CACNA1C: variants seen among roughly 807,000 people sequenced by gnomAD.
The protein encoded by CACNA1C is voltage-dependent L-type calcium channel subunit alpha-1C.
Under a neutral mutation model 229.0 loss-of-function variants are expected in CACNA1C, and 30 were observed. That is an observed-to-expected ratio of 0.13 (90% CI 0.10 to 0.18). The LOEUF is 0.18. CACNA1C is among the 10% of genes least tolerant of loss of function. CACNA1C has a pLI of 1.00. For synonymous variants in CACNA1C, 1,114 were observed against 1,132.5 expected, an observed-to-expected ratio of 0.98 and a Z score of 0.33; for missense variants, 1,658 against 2,845.0, an observed-to-expected ratio of 0.58 and a Z score of 9.49.
rs2094781033 is a variant in CACNA1C at position 2,147,049 on chromosome 12, T to C, written c.477+26619T>C. Reference sequence around the variant, plus strand: ...AATTATCAAAGCAAATCAATGTCACTCTAAGTCATATCTCCATACTAGCTC... The same window carrying C: ...AATTATCAAAGCAAATCAATGTCACCCTAAGTCATATCTCCATACTAGCTC... On this transcript the variant is annotated intron_variant, in intron 3 of 46. Transcript: ENST00000399655. Among the ~76,000 whole-genome samples the C allele has an allele frequency of 1.3e-5, 2 of 151,044 alleles. 1 individual carries two copies. The highest frequency in any genetic ancestry group is 3.0e-5 in the Non-Finnish European group (2 of 67,554).
intron 9 of CACNA1C, among the ~76,000 whole-genome samples, chr12:2,535,344 G>A (rs1411937515): frequency 1.3e-5 from 2 of 150,306 alleles, no homozygotes; most frequent in Non-Finnish European, 3.0e-5. Flanking sequence ...AGCTGAGATC[G>A]CACCACTGCA....
intron 15 of CACNA1C, 97 bp downstream of exon 15, chr12:2,583,039 C>T: frequency 1.2e-6 from 1 of 845,768 alleles, no homozygotes; most frequent in East Asian, 2.7e-5. Context: ...GGCGGTCCTG[C>T]TCGGGCTCAC....
chr12:2,578,694 C>G (rs760409336), intron 13 of CACNA1C, among the ~76,000 whole-genome samples: 7 of 152,172 alleles, frequency 4.6e-5, no homozygotes, highest in Non-Finnish European at 1.0e-4. Context: ...AGCTATGGTT[C>G]TCATTTCCTT....
chr12:2,125,404 A>G (rs2089598824), intron 3 of CACNA1C, among the ~76,000 whole-genome samples: 1 of 152,188 alleles, frequency 6.6e-6, no homozygotes, highest in African/African-American at 2.4e-5. Flanking sequence ...TGCTTGAAAC[A>G]TTCCCATTGT....
At chr12:2,683,801 T>G (rs1187912917) in intron 43 of CACNA1C, among the ~76,000 whole-genome samples, 2 of 152,318 alleles carry the variant, frequency 1.3e-5, no homozygotes, top group African/African-American at 4.8e-5. Context: ...TGGGAGCCAC[T>G]GTCCCACTCT....
At chr12:2,112,191 G>A (rs1214214527) in intron 1 of CACNA1C, among the ~76,000 whole-genome samples, 1 of 152,202 alleles carries the variant, frequency 6.6e-6, no homozygotes, top group African/African-American at 2.4e-5. Context: ...GTCTTCTTAT[G>A]TGTTAAATGG....
At chr12:2,139,954 T>C (rs112258429) in intron 3 of CACNA1C, among the ~76,000 whole-genome samples, 7,393 of 150,948 alleles carry the variant, frequency 0.049, 535 homozygotes, top group African/African-American at 0.15. Flanking sequence ...GTGCTGTGAA[T>C]CAGGTTTGGC....
chr12:2,436,086 C>T (rs748647025), intron 3 of CACNA1C, among the ~76,000 whole-genome samples: 48 of 152,208 alleles, frequency 3.2e-4, no homozygotes, highest in Non-Finnish European at 6.0e-4. Flanking sequence ...ACTTCTCCAC[C>T]GGAGCAGTGA....
At position 2,582,856 on chromosome 12, in the gene CACNA1C, A is replaced by T; in HGVS notation, c.2138A>T (p.Tyr713Phe). The change falls in exon 15 of 47, where the codon TAT (tyrosine) becomes TTT (phenylalanine). Residue 713 changes from tyrosine (Y) to phenylalanine (F), a missense_variant. By Grantham distance (22) the Tyr-to-Phe change is conservative. Transcript: ENST00000399655. ...GGGGAGGACTGGAATTCGGTGATGT[A>T]TGATGGGATCATGGCTTATGGCGGC... ...LTGEDWNSVM[Y>F]DGIMAYGGPS... 6.2e-7 allele frequency: 1 copy of T among 1,613,114 alleles called. No homozygotes were observed. The highest frequency in any genetic ancestry group is 8.5e-7 in the Non-Finnish European group (1 of 1,179,468).
chr12:2,632,387 C>T lies in CACNA1C; in HGVS notation c.3829-1910C>T, dbSNP rs950274314. ...ATGCACCCATTCAGTCACAGAACAT[C>T]GCTGTGCAGGCCCCTACACCTCCTA... On this transcript the variant is annotated intron_variant, in intron 29 of 46. Coordinates refer to ENST00000399655, the MANE Select transcript of CACNA1C (RefSeq NM_000719.7). The surrounding 1 kb of genome is among the most constrained non-coding windows in gnomAD (Gnocchi z 4.1). 2.6e-5 allele frequency among the ~76,000 whole-genome samples: 4 copies of T among 151,918 alleles called. No individual in the cohort carries two copies. The highest frequency in any genetic ancestry group is 7.3e-5 in the African/African-American group (3 of 41,336).
chr12:2,113,810 C>T (rs1355348491), intron 1 of CACNA1C, among the ~76,000 whole-genome samples: 2 of 152,234 alleles, frequency 1.3e-5, no homozygotes, highest in Non-Finnish European at 2.9e-5. Context: ...TAGAGCGAGG[C>T]ATCCAGCCTA....
chr12:2,253,931 G>A (rs1223855043), intron 3 of CACNA1C, among the ~76,000 whole-genome samples: 1 of 152,158 alleles, frequency 6.6e-6, no homozygotes, highest in East Asian at 1.9e-4. Flanking sequence ...AACCAACAGG[G>A]AAGTAAGGGA....
At chr12:2,178,833 G>T (rs566837359) in intron 3 of CACNA1C, among the ~76,000 whole-genome samples, 1 of 152,066 alleles carries the variant, frequency 6.6e-6, no homozygotes. Context: ...AGGCCGAGGC[G>T]GGCAGATCAC....
chr12:2,029,503 AC>A lies in CACNA1C; in HGVS notation c.139+58303del, dbSNP rs1233675620. Among the ~76,000 whole-genome samples, 3 of 152,158 alleles carry A rather than the reference AC, an allele frequency of 2.0e-5. No individual in the cohort carries two copies. The highest frequency in any genetic ancestry group is 4.4e-5 in the Non-Finnish European group (3 of 68,028). On this transcript the variant is annotated intron_variant, in intron 1 of 46. Transcript: ENST00000682462. This position sits in a 1 kb window ranked among gnomAD's most constrained non-coding sequence, Gnocchi z 4.9. ...TGGATTTACCTATTCTGTATTTTTC[AC>A]AGAAATGGAATCATGCACTAGGTGA...
chr12:2,677,176 G>A lies in CACNA1C; in HGVS notation c.4911G>A (p.Gln1637=). 5.6e-6 allele frequency: 9 copies of A among 1,613,880 alleles called. No homozygotes were observed. The highest frequency in any genetic ancestry group is 7.6e-6 in the Non-Finnish European group (9 of 1,179,856). ...GGAAGTTCAAGAAGCGCAAAGAGCA[G>A]GGCCTTGTGGGCAAGCCCTCCCAGA... ...YFRKFKKRKE[Q]GLVGKPSQRN... Residue 1637 remains glutamine (Q), a synonymous_variant, in exon 40 of 47, where the codon CAG becomes CAA. Transcript: ENST00000399655. The surrounding 1 kb of genome is among the most constrained non-coding windows in gnomAD (Gnocchi z 7.4).
rs142317767 is a variant in CACNA1C, at chr12:2,095,584, G to A, written c.50-19640G>A. 9.6e-3 allele frequency among the ~76,000 whole-genome samples: 1,457 copies of A among 152,314 alleles called. 27 individuals are homozygous for A. The highest frequency in any genetic ancestry group is 0.032 in the African/African-American group (1,336 of 41,564). On this transcript the variant is annotated intron_variant, in intron 1 of 46. Transcript: ENST00000399655. ...GCAGCACTGTAAGTGCCCTCGGCCC[G>A]AGTCAGGCCATCCAGTGTTTCGCCA...
chr12:2,504,961 G>A lies in CACNA1C; in HGVS notation c.1217+16G>A. On this transcript the variant is annotated intron_variant, in intron 8 of 46. Coordinates refer to ENST00000399655, the MANE Select transcript of CACNA1C (RefSeq NM_000719.7). The surrounding 1 kb of genome is among the most constrained non-coding windows in gnomAD (Gnocchi z 6.8). ...TGCTTAGCGGGTAAGCAGGACCAAG[G>A]AAAAAGGTCTTGATTTTTCCATTTA... 8.2e-7 allele frequency: 1 copy of A among 1,215,004 alleles called. No homozygotes were observed. The highest frequency in any genetic ancestry group is 1.5e-5 in the African/African-American group (1 of 66,424). The allele number at this position is 1,215,004 out of a possible 1,614,324, so 75.3% of individuals were successfully genotyped here.
At chr12:2,317,702 T>G (rs965847942) in intron 3 of CACNA1C, among the ~76,000 whole-genome samples, 1 of 152,198 alleles carries the variant, frequency 6.6e-6, no homozygotes, top group Non-Finnish European at 1.5e-5. Flanking sequence ...GGAACTCAAA[T>G]GAATACTTGC....
At chr12:2,670,408 A>T (rs2096495714) in intron 38 of CACNA1C, among the ~76,000 whole-genome samples, 1 of 152,172 alleles carries the variant, frequency 6.6e-6, no homozygotes, top group Non-Finnish European at 1.5e-5. Flanking sequence ...AGACTAGAGA[A>T]AGGTGATGAC....
Sources: gnomAD v4.1 joint callset for allele counts (sites outside exome capture counted in the v4.1 genomes callset) on GRCh38, gnomAD v4.1.1 for gene constraint, Gnocchi (gnomAD v3.1) non-coding constraint, MANE v1.5 for transcripts, NCBI Gene and HGNC (gene_info 2026-07-23, HGNC 2026-07-21) for gene names.